The following ZNF37A variants were observed in gnomAD, a reference collection of about 807,000 sequenced individuals.
The protein encoded by ZNF37A is zinc finger protein 37a (KOX 21).
ZNF37A carries 10 observed loss-of-function variants against 12.3 expected under a neutral mutation model. That is an observed-to-expected ratio of 0.82 (90% confidence interval 0.50 to 1.38). ZNF37A has a LOEUF of 1.38. Among genes scored for constraint, ZNF37A ranks in the 40% most tolerant of loss-of-function variants. ZNF37A has a pLI of 0.00. For synonymous variants in ZNF37A, 207 were observed against 223.0 expected (o/e 0.93, Z 0.64); for missense variants, 580 against 651.2 (o/e 0.89, Z 1.19).
downstream of ZNF37A, among the ~76,000 whole-genome samples, chr10:38,127,451 G>A (rs1489190215): frequency 6.6e-6 from 1 of 152,162 alleles, no homozygotes; most frequent in East Asian, 1.9e-4. Context: ...TGTATATAAT[G>A]TGTGTGATAC....
At chr10:38,112,778 T>TCGG (rs1554929923) in intron 5 of ZNF37A, among the ~76,000 whole-genome samples, 2,877 of 63,730 alleles carry the variant, frequency 0.045, 345 homozygotes, top group African/African-American at 0.062. Flanking sequence ...TTCTTTTCTT[T>TCGG]TCTTTTCTTT....
At chr10:38,127,921 A>G (rs1049026638), downstream of ZNF37A, among the ~76,000 whole-genome samples, 1 of 152,212 alleles carries the variant, frequency 6.6e-6, no homozygotes, top group South Asian at 2.1e-4. Flanking sequence ...AAAAGTGACA[A>G]TTTACGCTGA....
At chr10:38,148,297 C>T (rs1444579728) in exon 8 of ZNF37A, 1 of 152,148 alleles carries the variant, frequency 6.6e-6, no homozygotes, top group African/African-American at 2.4e-5. Flanking sequence ...TGAAGAGTCT[C>T]AAAGATTAGT....
chr10:38,115,871 A>C (rs116663153), intron 7 of ZNF37A, among the ~76,000 whole-genome samples: 4,350 of 152,012 alleles, frequency 0.029, 121 homozygotes, highest in African/African-American at 0.077. Context: ...CAAAATAAGA[A>C]GACCCCATCT....
intron 5 of ZNF37A, among the ~76,000 whole-genome samples, chr10:38,101,095 C>T (rs560893549): frequency 6.6e-6 from 1 of 152,280 alleles, no homozygotes; most frequent in African/African-American, 2.4e-5. Context: ...TTATCAGATA[C>T]ATGAATTGCA....
intron 5 of ZNF37A, among the ~76,000 whole-genome samples, chr10:38,100,280 C>T (rs576066250): frequency 6.6e-6 from 1 of 152,264 alleles, no homozygotes; most frequent in African/African-American, 2.4e-5. Flanking sequence ...GTTTTGGGCA[C>T]CATTGTCATT....
At chr10:38,133,171 C>T (rs2070056412) in intron 7 of ZNF37A, among the ~76,000 whole-genome samples, 1 of 152,038 alleles carries the variant, frequency 6.6e-6, no homozygotes, top group Non-Finnish European at 1.5e-5. Flanking sequence ...CAGAAAGTCT[C>T]CTGTAGATTT....
chr10:38,117,762 A>C lies in ZNF37A; in HGVS notation c.611A>C (p.Glu204Ala). Residue 204 changes from glutamate (E) to alanine (A), a missense_variant, in exon 8 of 8, where the codon GAA becomes GCA. By Grantham distance (107) the Glu-to-Ala change is moderately radical. Transcript: ENST00000685332. ...THPRENHYGN[E>A]CGENIFEESI... is the part of the protein sequence containing the mutation. ...CCAAGAGAAAACCACTATGGTAATG[A>C]ATGTGGAGAAAATATCTTTGAGGAA... The C allele has an allele frequency of 6.2e-7, 1 of 1,614,032 alleles. No homozygotes were observed. Among genetic ancestry groups the C allele is most frequent in the Non-Finnish European group, 8.5e-7 (1 of 1,179,990 alleles).
intron 5 of ZNF37A, among the ~76,000 whole-genome samples, chr10:38,112,808 GTCTTCTTTTCTTT>G (rs2068924219): frequency 1.8e-5 from 1 of 55,148 alleles, no homozygotes; most frequent in Non-Finnish European, 3.8e-5. Flanking sequence ...GTCTTGTCTT[GTCTTCTTTTCTTT>G]TCTTTCACAG....
At chr10:38,113,636 C>G (rs775847831) in intron 5 of ZNF37A, among the ~76,000 whole-genome samples, 1 of 152,212 alleles carries the variant, frequency 6.6e-6, no homozygotes, top group Non-Finnish European at 1.5e-5. Flanking sequence ...TGCAGGCCCT[C>G]TGGAAGTAGC....
chr10:38,133,861 C>G (rs2070068278), intron 7 of ZNF37A, among the ~76,000 whole-genome samples: 1 of 152,174 alleles, frequency 6.6e-6, no homozygotes, highest in African/African-American at 2.4e-5. Flanking sequence ...AATGGTATTT[C>G]TAGTTCCAGA....
In ZNF37A at chr10:38,118,951, AAG is replaced by A. The variant is rs1395188227; in HGVS notation, c.*117_*118del. The A allele has an allele frequency of 1.8e-5, 24 of 1,350,014 alleles. No individual in the cohort carries two copies. The highest frequency in any genetic ancestry group is 2.3e-5 in the Non-Finnish European group (24 of 1,054,134). The allele number at this position is 1,350,014 out of a possible 1,614,324, so 83.6% of individuals were successfully genotyped here. Reference sequence around the variant, plus strand: ...TTCTCACAGTATAGAAGAGAACTTAAAGAGGGAAAAAACAATATGAAGATAGG... The same window carrying A: ...TTCTCACAGTATAGAAGAGAACTTAAAGGGAAAAAACAATATGAAGATAGG... On this transcript the variant is annotated 3_prime_UTR_variant, in exon 8 of 8. Coordinates refer to ENST00000685332, the MANE Select transcript of ZNF37A (RefSeq NM_001324250.3).
At chr10:38,115,487 C>A in intron 7 of ZNF37A, 197 bp downstream of exon 7, 1 of 614,998 alleles carries the variant, frequency 1.6e-6, no homozygotes, top group Non-Finnish European at 2.5e-6. Flanking sequence ...TTCATACACA[C>A]ATCTTGTTGT....
intron 5 of ZNF37A, among the ~76,000 whole-genome samples, chr10:38,110,245 C>A (rs186388858): frequency 8.6e-4 from 131 of 152,212 alleles, no homozygotes; most frequent in African/African-American, 3.0e-3. Flanking sequence ...AAAGGAGTCC[C>A]TACTTAATAA....
intron 7 of ZNF37A, among the ~76,000 whole-genome samples, chr10:38,116,729 A>T (rs561551987): frequency 6.6e-6 from 1 of 152,316 alleles, no homozygotes; most frequent in East Asian, 1.9e-4. Flanking sequence ...AGAACCATAA[A>T]CCTGATCCTG....
chr10:38,135,545 C>T (rs1262967679), intron 7 of ZNF37A, among the ~76,000 whole-genome samples: 2 of 152,136 alleles, frequency 1.3e-5, no homozygotes, highest in South Asian at 2.1e-4. Context: ...AGTTAGATTA[C>T]AAACCAAAAT....
At chr10:38,112,743 T>TCGG (rs1564931846) in intron 5 of ZNF37A, among the ~76,000 whole-genome samples, 7 of 70,538 alleles carry the variant, frequency 9.9e-5, no homozygotes, top group Non-Finnish European at 1.2e-4. Context: ...TTCTTTTCTT[T>TCGG]TCTTTTCTTT....
chr10:38,117,127 ACC>A, intron 7 of ZNF37A: 2 of 971,400 alleles, frequency 2.1e-6, no homozygotes, highest in Non-Finnish European at 2.4e-6. Context: ...CACCACCACC[ACC>A]ACCAACAACA....
chr10:38,114,970 A>G, intron 6 of ZNF37A, 89 bp downstream of exon 6: 1 of 1,477,992 alleles, frequency 6.8e-7, no homozygotes, highest in South Asian at 1.4e-5. Context: ...AAAATATAAT[A>G]ATATTTAGGT....
Sources: allele counts gnomAD v4.1 joint callset (sites outside exome capture counted in the v4.1 genomes callset), GRCh38; gene constraint gnomAD v4.1.1; transcripts MANE v1.5; gene names NCBI Gene and HGNC (gene_info 2026-07-23, HGNC 2026-07-21).